MAP2K6: variants seen among roughly 807,000 people sequenced by gnomAD.
MAP2K6 encodes dual specificity mitogen-activated protein kinase kinase 6.
Under a neutral mutation model 53.7 loss-of-function variants are expected in MAP2K6, and 16 were observed. The observed-to-expected ratio is 0.30, with a 90% CI of 0.20 to 0.45. The LOEUF is 0.45. Among genes scored for constraint, MAP2K6 ranks in the 20% least tolerant of loss-of-function variants. MAP2K6 has a pLI of 1.00. For missense variants in MAP2K6, 204 were observed against 411.9 expected (o/e 0.50, Z 4.37); for synonymous variants, 132 against 143.1 (o/e 0.92, Z 0.55).
At chr17:69,475,168 T>G (rs1598279711) in intron 1 of MAP2K6, among the ~76,000 whole-genome samples, 5 of 143,782 alleles carry the variant, frequency 3.5e-5, no homozygotes, top group African/African-American at 8.0e-5. Context: ...ATCTGTGTTT[T>G]TTTTTTTTTT....
chr17:69,428,095 T>C (rs1158868131), intron 1 of MAP2K6, among the ~76,000 whole-genome samples: 1 of 152,192 alleles, frequency 6.6e-6, no homozygotes, highest in African/African-American at 2.4e-5. Context: ...GCTAGACTGA[T>C]ACAAAAATGA....
At position 69,505,793 on chromosome 17, in the gene MAP2K6, C is replaced by T. The variant is rs573002340; in HGVS notation, c.30C>T (p.Asn10=). The T allele has an allele frequency of 3.7e-6, 6 of 1,613,848 alleles. No homozygotes were observed. Among genetic ancestry groups the T allele is most frequent in the South Asian group, 3.3e-5 (3 of 91,080 alleles). ...CTTTCCCCATAGGCAAGAAGCGAAA[C>T]CCTGGCCTTAAAATTCCAAAAGAAG... MSQSKGKKR[N]PGLKIPKEAF... is the part of the protein sequence containing the mutation. The change falls in exon 2 of 12, where the codon AAC becomes AAT. Residue 10 remains asparagine, a synonymous_variant. Coordinates refer to ENST00000590474, the MANE Select transcript of MAP2K6 (RefSeq NM_002758.4).
At chr17:69,432,631 A>C (rs1906499846) in intron 1 of MAP2K6, among the ~76,000 whole-genome samples, 1 of 151,750 alleles carries the variant, frequency 6.6e-6, no homozygotes, top group African/African-American at 2.4e-5. Context: ...GGGAGAGGAA[A>C]AACACACATC....
At position 69,507,325 on chromosome 17, in the gene MAP2K6, T is replaced by C. The variant is rs1909554392; in HGVS notation, c.83+1479T>C. On this transcript the variant is annotated intron_variant, in intron 2 of 11. Transcript: ENST00000590474. ...AACTTAATTTTGCCAGCTATGCAAG[T>C]ATTCCTTTGTGTGTGTGTGTGTGTG... is the stretch of plus-strand genomic sequence containing the variant. Among the ~76,000 whole-genome samples the C allele has an allele frequency of 2.0e-5, 3 of 148,078 alleles. No homozygotes were observed. The South Asian group carries it at 6.3e-4, about 31-fold the overall frequency.
intron 1 of MAP2K6, among the ~76,000 whole-genome samples, chr17:69,447,000 G>T (rs1906990770): frequency 1.4e-5 from 2 of 141,762 alleles, no homozygotes; most frequent in Non-Finnish European, 1.5e-5. Context: ...TTTTTGAGAC[G>T]GAGTTTCACT....
chr17:69,462,515 T>G (rs1907653738), intron 1 of MAP2K6, among the ~76,000 whole-genome samples: 2 of 152,252 alleles, frequency 1.3e-5, no homozygotes, highest in South Asian at 4.1e-4. Flanking sequence ...TTCCACCCCA[T>G]TTGAGTTTGA....
At chr17:69,503,721 A>T (rs1909296371) in intron 1 of MAP2K6, among the ~76,000 whole-genome samples, 1 of 152,150 alleles carries the variant, frequency 6.6e-6, no homozygotes, top group Non-Finnish European at 1.5e-5. Flanking sequence ...AATGACTTTA[A>T]AAAAAATGAG....
chr17:69,500,194 C>G (rs1909095364), intron 1 of MAP2K6, among the ~76,000 whole-genome samples: 2 of 151,996 alleles, frequency 1.3e-5, no homozygotes, highest in Non-Finnish European at 2.9e-5. Context: ...AGTAACAGCA[C>G]TTTGGGAGGC....
chr17:69,550,626 G>C lies in MAP2K6; in HGVS notation c.*8873G>C, dbSNP rs1270802342. 1.3e-5 allele frequency: 2 copies of C among 152,150 alleles called. No homozygotes were observed. The highest frequency in any genetic ancestry group is 2.9e-5 in the Non-Finnish European group (2 of 68,024). 9.4% of individuals were successfully genotyped at this position (152,150 alleles called of 1,614,324 possible). A position where few individuals can be genotyped will look rare whatever the true frequency, so the allele number is the denominator to read the frequency against. The stretch of plus-strand genomic sequence containing the variant: ...TCCTGTTGTATGTTCAATACTTGGG[G>C]AGATAAGAGCGAGGTACAGCTGTGG... On this transcript the variant is annotated 3_prime_UTR_variant, in exon 12 of 12. Coordinates refer to ENST00000590474, the MANE Select transcript of MAP2K6 (RefSeq NM_002758.4).
rs571912617 is a variant in MAP2K6, at chr17:69,517,207, T to A, written c.133-293T>A. Reference sequence around the variant, plus strand: ...AGTGGGTTACAGACACAATGAAGGGTCATGGCTAAAGAACTTCAGTGAAAT... The same window carrying A: ...AGTGGGTTACAGACACAATGAAGGGACATGGCTAAAGAACTTCAGTGAAAT... On this transcript the variant is annotated intron_variant, in intron 3 of 11. Coordinates refer to ENST00000590474, the MANE Select transcript of MAP2K6 (RefSeq NM_002758.4). 5.3e-5 allele frequency among the ~76,000 whole-genome samples: 8 copies of A among 151,602 alleles called. No homozygotes were observed. In the East Asian group the frequency reaches 9.7e-4, roughly 18 times the overall value.
At chr17:69,537,990 A>G (rs1002768674) in intron 11 of MAP2K6, among the ~76,000 whole-genome samples, 1 of 152,136 alleles carries the variant, frequency 6.6e-6, no homozygotes, top group African/African-American at 2.4e-5. Context: ...TTATTCTTGT[A>G]GGATACTATG....
At chr17:69,516,264 G>A (rs2145248652) in intron 2 of MAP2K6, among the ~76,000 whole-genome samples, 2 of 151,676 alleles carry the variant, frequency 1.3e-5, no homozygotes, top group Middle Eastern at 6.8e-3. Flanking sequence ...AGATCATCAG[G>A]CATTAGATTC....
chr17:69,475,046 T>C (rs570931896), intron 1 of MAP2K6, among the ~76,000 whole-genome samples: 2 of 152,200 alleles, frequency 1.3e-5, no homozygotes, highest in Non-Finnish European at 2.9e-5. Context: ...AGTCTTCTGA[T>C]TCCTGCCCTC....
chr17:69,519,882 C>G (rs1394024240), intron 5 of MAP2K6: 1 of 220,606 alleles, frequency 4.5e-6, no homozygotes, highest in African/African-American at 2.3e-5. Flanking sequence ...TTAAAACCAG[C>G]TTTTTGACTG....
intron 1 of MAP2K6, among the ~76,000 whole-genome samples, chr17:69,489,352 A>G (rs530995534): frequency 1.0e-3 from 157 of 152,344 alleles, no homozygotes; most frequent in African/African-American, 3.5e-3. Flanking sequence ...CTGTGATCAC[A>G]TAGGTGGAAC....
At chr17:69,449,076 C>T (rs1192349151) in intron 1 of MAP2K6, among the ~76,000 whole-genome samples, 1 of 152,176 alleles carries the variant, frequency 6.6e-6, no homozygotes, top group African/African-American at 2.4e-5. Context: ...TTTTCTCTTT[C>T]TTTTAGCATT....
chr17:69,505,135 A>G (rs1160197042), intron 1 of MAP2K6, among the ~76,000 whole-genome samples: 1 of 151,484 alleles, frequency 6.6e-6, no homozygotes, highest in Non-Finnish European at 1.5e-5. Flanking sequence ...GTGTAAAAGA[A>G]AAAAAAAACA....
At position 69,451,369 on chromosome 17, in the gene MAP2K6, G is replaced by A. The variant is rs528975790; in HGVS notation, c.16+36369G>A. On this transcript the variant is annotated intron_variant, in intron 1 of 11. Coordinates refer to ENST00000590474, the MANE Select transcript of MAP2K6 (RefSeq NM_002758.4). ...CCCCACAAACCAAAGAGCTGCTTTC[G>A]CAGCAGATCACTGATTGTGACCCCT... 7.2e-5 allele frequency among the ~76,000 whole-genome samples: 11 copies of A among 152,322 alleles called. No homozygotes were observed. In the South Asian group the frequency reaches 1.9e-3, roughly 26 times the overall value.
At chr17:69,487,359 T>C (rs2145198350) in intron 1 of MAP2K6, among the ~76,000 whole-genome samples, 1 of 152,314 alleles carries the variant, frequency 6.6e-6, no homozygotes, top group East Asian at 1.9e-4. Flanking sequence ...TAGTGATCAT[T>C]AAATTAAGCA....
Sources: allele counts gnomAD v4.1 joint callset (sites outside exome capture counted in the v4.1 genomes callset), GRCh38; gene constraint gnomAD v4.1.1; transcripts MANE v1.5; gene names NCBI Gene and HGNC (gene_info 2026-07-23, HGNC 2026-07-21).